Variants in USP24 observed in about 807,000 individuals in gnomAD.
USP24 encodes the protein ubiquitin carboxyl-terminal hydrolase 24.
In USP24, 97 loss-of-function variants were observed where a neutral mutation model predicts 361.6. The ratio of observed to expected loss-of-function variants is 0.27; its 90% CI spans 0.23 to 0.32. The LOEUF (loss-of-function observed/expected upper bound fraction) is 0.32, where lower values mean the gene tolerates loss of function less well. Among genes scored for constraint, USP24 ranks in the 10% least tolerant of loss-of-function variants. The pLI is 1.00. For missense variants in USP24, 2,353 were observed against 3,165.6 expected, an observed-to-expected ratio of 0.74 and a Z score of 6.16; for synonymous variants, 1,098 against 1,124.6, an observed-to-expected ratio of 0.98 and a Z score of 0.47.
At chr1:55,110,009 A>G (rs570082659) in intron 39 of USP24, among the ~76,000 whole-genome samples, 176 bp downstream of exon 39, 4 of 152,338 alleles carry the variant, frequency 2.6e-5, no homozygotes, top group African/African-American at 9.6e-5. Flanking sequence ...GTAACAGAAG[A>G]AGAGCTCACT....
intron 64 of USP24, 134 bp downstream of exon 64, chr1:55,073,694 T>C (rs1644965298): frequency 1.3e-6 from 1 of 793,468 alleles, no homozygotes; most frequent in Middle Eastern, 2.3e-4. Context: ...TAGGTTTCTG[T>C]ACCTTCCAAG....
At chr1:55,188,152 A>G (rs1039526786) in intron 1 of USP24, among the ~76,000 whole-genome samples, 10 of 152,184 alleles carry the variant, frequency 6.6e-5, no homozygotes, top group African/African-American at 2.4e-4. Context: ...CAAAGACAAA[A>G]AAGTAATCCA....
chr1:55,176,152 T>G (rs942422907), intron 3 of USP24, among the ~76,000 whole-genome samples: 5 of 152,210 alleles, frequency 3.3e-5, no homozygotes, highest in African/African-American at 4.8e-5. Context: ...TTAATAAAAG[T>G]TATATTTAAC....
chr1:55,123,640 C>T (rs556959987), intron 35 of USP24, 38 bp from the exon 36 acceptor site: 1 of 1,537,444 alleles, frequency 6.5e-7, no homozygotes, highest in Non-Finnish European at 8.8e-7. Context: ...GTGGATCCTA[C>T]AGGAACTATG....
chr1:55,072,927 A>G, intron 64 of USP24, 66 bp from the exon 65 acceptor site: 1 of 1,433,164 alleles, frequency 7.0e-7, no homozygotes, highest in Non-Finnish European at 9.6e-7. Flanking sequence ...CTTCATTTTG[A>G]AACGTAAATG....
chr1:55,074,896 G>A (rs1175289550), intron 63 of USP24, among the ~76,000 whole-genome samples: 1 of 152,022 alleles, frequency 6.6e-6, no homozygotes, highest in East Asian at 1.9e-4. Context: ...CAGATTAAGT[G>A]GAAATACAGG....
intron 31 of USP24, 142 bp downstream of exon 31, chr1:55,132,399 AATTT>A: frequency 9.4e-7 from 1 of 1,066,476 alleles, no homozygotes; most frequent in Non-Finnish European, 1.3e-6. Context: ...AAAACGTTTC[AATTT>A]ATAATCTATT....
chr1:55,107,055 A>G (rs1229144400), intron 40 of USP24, among the ~76,000 whole-genome samples, 184 bp downstream of exon 40: 1 of 152,238 alleles, frequency 6.6e-6, no homozygotes, highest in Admixed American at 6.5e-5. Context: ...ATGTTGTTTA[A>G]TGACACAGGT....
chr1:55,214,869 C>A lies in USP24; in HGVS notation c.245G>T (p.Gly82Val). The A allele has an allele frequency of 8.3e-7, 1 of 1,199,496 alleles. No individual in the cohort carries two copies. Among genetic ancestry groups the A allele is most frequent in the Non-Finnish European group, 1.0e-6 (1 of 960,968 alleles). 74.3% of individuals were successfully genotyped at this position (1,199,496 alleles called of 1,614,324 possible). ...GDGGGDGGGG[G>V]PSRGGSTGGG... is the part of the protein sequence containing the mutation. ...TCCGGTGCTCCCGCCGCGGGAGGGG[C>A]CGCCGCCGCCGCCGTCACCTCCGCC... The change falls in exon 1 of 68, where the codon GGC (glycine) becomes GTC (valine). Residue 82 changes from glycine (G) to valine (V), a missense_variant. By Grantham distance (109) the Gly-to-Val change is moderately radical. Coordinates refer to ENST00000294383, the MANE Select transcript of USP24 (RefSeq NM_015306.3).
chr1:55,208,657 G>C (rs146749746), intron 1 of USP24, among the ~76,000 whole-genome samples: 2 of 150,752 alleles, frequency 1.3e-5, no homozygotes, highest in African/African-American at 4.9e-5. Context: ...AAAAAACAGC[G>C]CTGGGCACGG....
rs187449314 is a variant in USP24, at chr1:55,153,581, T to C, written c.1860+289A>G. On this transcript the variant is annotated intron_variant, in intron 16 of 67. Coordinates refer to ENST00000294383, the MANE Select transcript of USP24 (RefSeq NM_015306.3). Reference sequence around the variant, plus strand: ...GTACTTATTAAAACTGTGCATACTTTAGATTTAATTTTAAAAAGAAAAACT... The same window carrying C: ...GTACTTATTAAAACTGTGCATACTTCAGATTTAATTTTAAAAAGAAAAACT... Among the ~76,000 whole-genome samples the C allele has an allele frequency of 1.3e-3, 205 of 152,340 alleles. 1 individual carries two copies. The highest frequency in any genetic ancestry group is 2.5e-3 in the Non-Finnish European group (168 of 68,028).
At position 55,075,042 on chromosome 1, in the gene USP24, G is replaced by A. The variant is rs552279285; in HGVS notation, c.7447+415C>T. Among the ~76,000 whole-genome samples the A allele has an allele frequency of 3.9e-5, 6 of 152,202 alleles. No homozygotes were observed. The South Asian group carries it at 1.0e-3, about 26-fold the overall frequency. ...GAGTAGACTGTGAAAATATGGTTAC[G>A]CTTACTATAGGTAAAAAGACATTCA... On this transcript the variant is annotated intron_variant, in intron 63 of 67. Coordinates refer to ENST00000294383, the MANE Select transcript of USP24 (RefSeq NM_015306.3).
At chr1:55,114,012 C>G (rs1053106324) in intron 38 of USP24, among the ~76,000 whole-genome samples, 16 of 152,094 alleles carry the variant, frequency 1.1e-4, no homozygotes, top group African/African-American at 3.6e-4. Context: ...TTAGAAAACC[C>G]CATCTTCTCT....
Position 55,176,430 on chromosome 1 carries a change from A to G in USP24, c.504T>C (p.Ser168=). ...TYLARLGLSE[S]DENCRRFMDR... ...CCATAAACCTTCTACAATTCTCATC[A>G]GACTCGGAAAGACCTTAGTAAAATG... is the stretch of plus-strand genomic sequence containing the variant. The change falls in exon 3 of 68, where the codon TCT becomes TCC. Residue 168 remains serine (S), a synonymous_variant. Coordinates refer to ENST00000294383, the MANE Select transcript of USP24 (RefSeq NM_015306.3). 6.4e-7 allele frequency: 1 copy of G among 1,569,112 alleles called. No individual in the cohort carries two copies. Among genetic ancestry groups the G allele is most frequent in the Non-Finnish European group, 8.7e-7 (1 of 1,155,188 alleles).
chr1:55,097,760 C>A, intron 47 of USP24, 43 bp from the exon 48 acceptor site: 1 of 1,517,286 alleles, frequency 6.6e-7, no homozygotes, highest in Non-Finnish European at 8.8e-7. Context: ...TGAATGATCT[C>A]CATGGAGAAA....
chr1:55,077,499 C>G (rs972157230), intron 61 of USP24, among the ~76,000 whole-genome samples, 199 bp from the exon 62 acceptor site: 2 of 152,124 alleles, frequency 1.3e-5, no homozygotes, highest in Non-Finnish European at 2.9e-5. Context: ...CCAGCTGCAA[C>G]ACTCTGATAC....
At chr1:55,209,395 T>C (rs1644796508) in intron 1 of USP24, among the ~76,000 whole-genome samples, 1 of 152,204 alleles carries the variant, frequency 6.6e-6, no homozygotes, top group Admixed American at 6.6e-5. Context: ...CTCAGGGCCA[T>C]GAAACACATA....
intron 38 of USP24, among the ~76,000 whole-genome samples, chr1:55,119,576 C>T (rs1045315404): frequency 3.3e-5 from 5 of 151,466 alleles, no homozygotes; most frequent in African/African-American, 1.2e-4. Flanking sequence ...GTATATTTAC[C>T]ACAATAAAAA....
At chr1:55,147,934 T>C (rs1482320959) in intron 17 of USP24, 136 bp from the exon 18 acceptor site, 2 of 854,628 alleles carry the variant, frequency 2.3e-6, no homozygotes, top group Non-Finnish European at 3.5e-6. Context: ...TCGTATTTCC[T>C]ACACAAAAGT....
Sources: gnomAD v4.1 joint callset for allele counts (sites outside exome capture counted in the v4.1 genomes callset) on GRCh38, gnomAD v4.1.1 for gene constraint, MANE v1.5 for transcripts, NCBI Gene and HGNC (gene_info 2026-07-23, HGNC 2026-07-21) for gene names.